The following STK3 variants were observed in gnomAD, a reference collection of about 807,000 sequenced individuals.
STK3 encodes the protein serine/threonine-protein kinase 3.
In STK3, 41 loss-of-function variants were observed where a neutral mutation model predicts 58.0. The ratio of observed to expected loss-of-function variants is 0.71; its 90% confidence interval spans 0.55 to 0.92. The LOEUF is 0.92. Among genes scored for constraint, STK3 ranks in the 40% least tolerant of loss-of-function variants. The pLI is 0.00. For synonymous variants in STK3, 170 were observed against 191.0 expected, an observed-to-expected ratio of 0.89 and a Z score of 0.91; for missense variants, 479 against 602.7, an observed-to-expected ratio of 0.79 and a Z score of 2.15.
At chr8:98,812,474 G>C (rs931852782) in intron 1 of STK3, among the ~76,000 whole-genome samples, 8 of 152,210 alleles carry the variant, frequency 5.3e-5, no homozygotes, top group African/African-American at 1.7e-4. Flanking sequence ...GTGGAAGACT[G>C]TGTGGCAATT....
At position 98,742,261 on chromosome 8, in the gene STK3, G is replaced by A. The variant is rs183300921; in HGVS notation, c.351+7015C>T. Among the ~76,000 whole-genome samples, 108 of 151,548 alleles carry A rather than the reference G, an allele frequency of 7.1e-4. 1 individual carries two copies. Among genetic ancestry groups the A allele is most frequent in the African/African-American group, 1.8e-3 (75 of 41,172 alleles). ...CCAGCATCATCCTGATACCAAAGCC[G>A]GGCAGAAACACAACCAAAAAAGAGA... On this transcript the variant is annotated intron_variant, in intron 4 of 10. Transcript: ENST00000419617.
chr8:98,605,557 C>T (rs1343565251), intron 6 of STK3, among the ~76,000 whole-genome samples: 1 of 151,642 alleles, frequency 6.6e-6, no homozygotes, highest in African/African-American at 2.4e-5. Flanking sequence ...ACTTCTTCCT[C>T]TCTTACTTCC....
chr8:98,378,539 A>G (rs376505331), intron 2 of STK3, among the ~76,000 whole-genome samples: 1 of 152,214 alleles, frequency 6.6e-6, no homozygotes, highest in Non-Finnish European at 1.5e-5. Flanking sequence ...GATGGATAAA[A>G]GAATAGTATT....
intron 6 of STK3, among the ~76,000 whole-genome samples, chr8:98,663,764 T>C (rs1230377276): frequency 6.6e-6 from 1 of 152,108 alleles, no homozygotes; most frequent in Non-Finnish European, 1.5e-5. Flanking sequence ...AGCAAACTAT[T>C]GCAAGAAGAA....
chr8:98,483,986 G>GT, intron 10 of STK3, among the ~76,000 whole-genome samples: 1 of 150,476 alleles, frequency 6.6e-6, no homozygotes, highest in East Asian at 1.9e-4. Flanking sequence ...AATTAAGTCA[G>GT]TTTTTTACTA....
chr8:98,456,105 T>C (rs890936387), intron 10 of STK3, 105 bp from the exon 11 acceptor site: 3 of 1,130,526 alleles, frequency 2.7e-6, no homozygotes, highest in African/African-American at 1.6e-5. Flanking sequence ...AACATAAATA[T>C]TTCAGCAAAT....
chr8:98,353,056 A>G, the STK3 span, among the ~76,000 whole-genome samples: 2 of 152,358 alleles, frequency 1.3e-5, no homozygotes, highest in South Asian at 4.1e-4. Flanking sequence ...CTGATTGTCC[A>G]TATGGATGGC....
chr8:98,466,752 GT>G (rs2131199651), intron 10 of STK3, among the ~76,000 whole-genome samples: 1 of 152,252 alleles, frequency 6.6e-6, no homozygotes, highest in African/African-American at 2.4e-5. Context: ...TATTATCCTA[GT>G]GCCCACCCCT....
At chr8:98,512,066 A>T (rs903301602) in intron 10 of STK3, among the ~76,000 whole-genome samples, 1 of 151,936 alleles carries the variant, frequency 6.6e-6, no homozygotes, top group Non-Finnish European at 1.5e-5. Context: ...GGTGTGCTGC[A>T]CCCATTAACT....
intron 6 of STK3, chr8:98,596,505 A>G (rs1410165892): frequency 1.8e-5 from 3 of 164,956 alleles, no homozygotes; most frequent in Non-Finnish European, 2.6e-5. Context: ...TTGCTACTAC[A>G]TGCCAGATTT....
intron 6 of STK3, chr8:98,633,504 C>T (rs1225565469): frequency 4.6e-6 from 3 of 653,202 alleles, no homozygotes; most frequent in East Asian, 2.8e-5. Context: ...GTGGCGTTGG[C>T]TTTGCCAGCT....
chr8:98,694,612 G>A (rs979255639), intron 6 of STK3, among the ~76,000 whole-genome samples: 5 of 151,928 alleles, frequency 3.3e-5, no homozygotes, highest in Admixed American at 3.3e-4. Flanking sequence ...TTGGTTTCTT[G>A]TTCTTGCGAT....
At chr8:98,698,512 T>C (rs1825208050) in intron 6 of STK3, among the ~76,000 whole-genome samples, 1 of 152,220 alleles carries the variant, frequency 6.6e-6, no homozygotes, top group Admixed American at 6.5e-5. Flanking sequence ...CGGTTGTTCC[T>C]TTCCATGTTT....
chr8:98,889,654 A>G (rs561377611), intron 1 of STK3: 2 of 152,238 alleles, frequency 1.3e-5, no homozygotes, highest in African/African-American at 4.8e-5. Flanking sequence ...ACAAGGGTCC[A>G]ATGTTTTTTT....
At chr8:98,552,621 A>T (rs1811262178) in intron 8 of STK3, among the ~76,000 whole-genome samples, 4 of 152,026 alleles carry the variant, frequency 2.6e-5, no homozygotes, top group Admixed American at 2.6e-4. Flanking sequence ...TTTAGCTGTG[A>T]CCTCTTCGGT....
chr8:98,864,006 C>T (rs1357567036), intron 3 of STK3, among the ~76,000 whole-genome samples: 1 of 151,776 alleles, frequency 6.6e-6, no homozygotes, highest in Non-Finnish European at 1.5e-5. Context: ...ACCATCCTGG[C>T]TAACACAGTG....
At chr8:98,934,291 AC>A (rs2132045887) in intron 1 of STK3, among the ~76,000 whole-genome samples, 1 of 152,280 alleles carries the variant, frequency 6.6e-6, no homozygotes, top group East Asian at 1.9e-4. Context: ...CACTAGGCCC[AC>A]CTGACACCTA....
At chr8:98,921,127 T>C (rs1339023103) in intron 1 of STK3, 2 of 152,200 alleles carry the variant, frequency 1.3e-5, no homozygotes, top group Non-Finnish European at 2.9e-5. Flanking sequence ...CTGGTGATGA[T>C]ATGCTCACAA....
At chr8:98,940,115 C>G (rs976805679) in intron 1 of STK3, among the ~76,000 whole-genome samples, 1 of 152,040 alleles carries the variant, frequency 6.6e-6, no homozygotes, top group African/African-American at 2.4e-5. Flanking sequence ...CGCGCCGCCC[C>G]GGGAGCCCGC....
Sources: gnomAD v4.1 joint callset for allele counts (sites outside exome capture counted in the v4.1 genomes callset) on GRCh38, gnomAD v4.1.1 for gene constraint, MANE v1.5 for transcripts, NCBI Gene and HGNC (gene_info 2026-07-23, HGNC 2026-07-21) for gene names.